PCDHGA7: variants seen among roughly 807,000 people sequenced by gnomAD.
The protein encoded by PCDHGA7 is protocadherin gamma subfamily A, 7, also known as protocadherin gamma-A7.
PCDHGA7 carries 44 observed loss-of-function variants against 58.3 expected under a neutral mutation model. The observed-to-expected ratio is 0.75, with a 90% CI of 0.59 to 0.97. PCDHGA7 has a LOEUF of 0.97. PCDHGA7 is among the 50% of genes least tolerant of loss of function. The pLI is 0.00. For synonymous variants in PCDHGA7, 516 were observed against 504.2 expected, an observed-to-expected ratio of 1.02 and a Z score of -0.31; for missense variants, 1,266 against 1,188.7, an observed-to-expected ratio of 1.06 and a Z score of -0.96.
At chr5:141,400,214 C>T in intron 1 of PCDHGA7, 1 of 1,614,042 alleles carries the variant, frequency 6.2e-7, no homozygotes, top group Non-Finnish European at 8.5e-7. Context: ...GCCTTGATCT[C>T]AGTGCTCTTC....
chr5:141,504,209 C>T (rs1305672612), intron 2 of PCDHGA7, among the ~76,000 whole-genome samples: 1 of 152,180 alleles, frequency 6.6e-6, no homozygotes, highest in Non-Finnish European at 1.5e-5. Flanking sequence ...TGGGAAAATT[C>T]CAAGTAGAGC....
rs374229757 is a variant in PCDHGA7, at chr5:141,491,437, C to T, written c.2425-3370C>T. 4 of 1,613,978 alleles carry T rather than the reference C, an allele frequency of 2.5e-6. No homozygotes were observed. Among genetic ancestry groups the T allele is most frequent in the Admixed American group, 3.3e-5 (2 of 60,004 alleles). ...CGGGGGTGGAGGGCAGTGCTGCAGG[C>T]GCCAGGACTCACCCTCCCCGGACTT... On this transcript the variant is annotated intron_variant, in intron 1 of 3. Coordinates refer to ENST00000518325, the MANE Select transcript of PCDHGA7 (RefSeq NM_018920.4). This position sits in a 1 kb window ranked among gnomAD's most constrained non-coding sequence, Gnocchi z 6.9.
chr5:141,385,919 T>C (rs912267518), intron 1 of PCDHGA7: 9 of 152,446 alleles, frequency 5.9e-5, no homozygotes, highest in African/African-American at 1.7e-4. Flanking sequence ...CACTAAGATC[T>C]ATATCAAAGA....
chr5:141,454,740 G>GAGGCC (rs2098797560), intron 1 of PCDHGA7, among the ~76,000 whole-genome samples: 1 of 147,160 alleles, frequency 6.8e-6, no homozygotes, highest in Non-Finnish European at 1.5e-5. Flanking sequence ...AGGATGAAAA[G>GAGGCC]AGGCCAAACT....
intron 2 of PCDHGA7, among the ~76,000 whole-genome samples, chr5:141,498,451 T>C (rs1426888821): frequency 6.6e-6 from 1 of 152,126 alleles, no homozygotes; most frequent in Non-Finnish European, 1.5e-5. Context: ...AGGTTCCTTT[T>C]ATCCAGTCTA....
intron 1 of PCDHGA7, chr5:141,389,625 G>C: frequency 6.2e-7 from 1 of 1,613,020 alleles, no homozygotes; most frequent in Non-Finnish European, 8.5e-7. Flanking sequence ...GCACGCTGCA[G>C]AGCCTGGCTA....
At chr5:141,504,570 AC>A (rs1468526948) in intron 2 of PCDHGA7, among the ~76,000 whole-genome samples, 1 of 148,874 alleles carries the variant, frequency 6.7e-6, no homozygotes, top group Admixed American at 6.9e-5. Flanking sequence ...ATTCTAGGGA[AC>A]ACCATCTGCC....
intron 1 of PCDHGA7, among the ~76,000 whole-genome samples, chr5:141,436,350 C>T (rs1034303123): frequency 5.9e-5 from 9 of 152,126 alleles, no homozygotes; most frequent in Non-Finnish European, 1.3e-4. Flanking sequence ...TCAGTGACTT[C>T]AATCAACTAT....
At chr5:141,399,862 G>T in intron 1 of PCDHGA7, 1 of 1,612,900 alleles carries the variant, frequency 6.2e-7, no homozygotes, top group South Asian at 1.1e-5. Flanking sequence ...GCGCGCTGCA[G>T]AGCCCGGCTA....
chr5:141,457,416 C>T (rs1378171092), intron 1 of PCDHGA7, among the ~76,000 whole-genome samples: 1 of 152,172 alleles, frequency 6.6e-6, no homozygotes, highest in Non-Finnish European at 1.5e-5. Flanking sequence ...ATTACCCATC[C>T]CTTTTTCCCC....
Position 141,384,958 on chromosome 5 carries a change from T to C in PCDHGA7, c.2059T>C (p.Tyr687His). Residue 687 changes from tyrosine to histidine, a missense_variant, in exon 1 of 4, where the codon TAT (tyrosine) becomes CAT (histidine). By Grantham distance (83) the Tyr-to-His change is moderately conservative. Coordinates refer to ENST00000518325, the MANE Select transcript of PCDHGA7 (RefSeq NM_018920.4). ...SLEPSDGPYN[Y>H]DLTLYLVVAV... ...TGAGCCCTCCGACGGTCCTTACAAC[T>C]ATGACCTCACGTTGTACCTGGTGGT... 6.2e-7 allele frequency: 1 copy of C among 1,613,954 alleles called. No homozygotes were observed. The highest frequency in any genetic ancestry group is 8.5e-7 in the Non-Finnish European group (1 of 1,179,976).
chr5:141,413,630 C>T (rs746896115), intron 1 of PCDHGA7: 2 of 1,613,692 alleles, frequency 1.2e-6, no homozygotes, highest in Admixed American at 3.3e-5. Flanking sequence ...AATGTCGCTG[C>T]GGGAATGCGT....
At chr5:141,479,619 T>C (rs1327758222) in intron 1 of PCDHGA7, 1 of 152,220 alleles carries the variant, frequency 6.6e-6, no homozygotes, top group Non-Finnish European at 1.5e-5. Flanking sequence ...AGGGAAACCA[T>C]GTCTCTTTAA....
At chr5:141,458,459 A>G (rs1232004043) in intron 1 of PCDHGA7, among the ~76,000 whole-genome samples, 1 of 152,006 alleles carries the variant, frequency 6.6e-6, no homozygotes, top group African/African-American at 2.4e-5. Flanking sequence ...AATTTTTAAA[A>G]TACCGTACAA....
At chr5:141,403,749 C>A in intron 1 of PCDHGA7, 1 of 1,613,652 alleles carries the variant, frequency 6.2e-7, no homozygotes, top group African/African-American at 1.3e-5. Context: ...ACTGCAACAG[C>A]CAGCGACCTG....
chr5:141,498,919 CG>C (rs2099786825), intron 2 of PCDHGA7, among the ~76,000 whole-genome samples: 1 of 122,240 alleles, frequency 8.2e-6, no homozygotes, highest in African/African-American at 3.1e-5. Context: ...GGTGACAGAG[CG>C]AGACTCCATC....
At chr5:141,473,402 T>C (rs1019157713) in intron 1 of PCDHGA7, among the ~76,000 whole-genome samples, 7 of 152,224 alleles carry the variant, frequency 4.6e-5, no homozygotes, top group Non-Finnish European at 7.3e-5. Flanking sequence ...CTTCTTTTTT[T>C]CTTCTTCAGT....
chr5:141,430,723 A>C lies in PCDHGA7; in HGVS notation c.2424+45400A>C, dbSNP rs554822923. ...GAACTGCTCCTGACTTCAGTGGTTAAGGGCAGAATTGAAAATAATTCTGGA... is the reference window on the plus strand; with the variant it reads ...GAACTGCTCCTGACTTCAGTGGTTACGGGCAGAATTGAAAATAATTCTGGA... On this transcript the variant is annotated intron_variant, in intron 1 of 3. Transcript: ENST00000518325. 58 of 1,493,590 alleles carry C rather than the reference A, an allele frequency of 3.9e-5. No homozygotes were observed. The African/African-American group carries it at 7.7e-4, about 20-fold the overall frequency. The allele number at this position is 1,493,590 out of a possible 1,614,324, so 92.5% of individuals were successfully genotyped here. A position where few individuals can be genotyped will look rare whatever the true frequency, so the allele number is the denominator to read the frequency against.
chr5:141,491,869 G>C lies in PCDHGA7; in HGVS notation c.2425-2938G>C. On this transcript the variant is annotated intron_variant, in intron 1 of 3. Transcript: ENST00000518325. This position sits in a 1 kb window ranked among gnomAD's most constrained non-coding sequence, Gnocchi z 6.9. ...GGACCGTTTGCGCGAAACCAGAGTG[G>C]CCGATTAAGGGATGGGGCTCCGAGC... The C allele has an allele frequency of 6.9e-7, 1 of 1,453,094 alleles. No homozygotes were observed. Among genetic ancestry groups the C allele is most frequent in the South Asian group, 1.5e-5 (1 of 68,080 alleles). 90.0% of individuals were successfully genotyped at this position (1,453,094 alleles called of 1,614,324 possible).
Sources: gnomAD v4.1 joint callset for allele counts (sites outside exome capture counted in the v4.1 genomes callset) on GRCh38, gnomAD v4.1.1 for gene constraint, Gnocchi (gnomAD v3.1) non-coding constraint, MANE v1.5 for transcripts, NCBI Gene and HGNC (gene_info 2026-07-23, HGNC 2026-07-21) for gene names.